The following CTNNA3 variants were observed in gnomAD, a reference collection of about 807,000 sequenced individuals.
The protein encoded by CTNNA3 is catenin alpha-3.
A neutral mutation model predicts 95.7 loss-of-function variants in CTNNA3; 76 were observed. The ratio of observed to expected loss-of-function variants is 0.79; its 90% CI spans 0.66 to 0.96. The LOEUF (loss-of-function observed/expected upper bound fraction) is 0.96. CTNNA3 is among the 40% of genes least tolerant of loss of function. CTNNA3 has a pLI of 0.00. For missense variants in CTNNA3, 1,191 were observed against 1,089.8 expected (o/e 1.09, Z -1.31); for synonymous variants, 431 against 374.4 (o/e 1.15, Z -1.74).
At chr10:66,926,864 A>C (rs1847108999) in intron 7 of CTNNA3, 1 of 1,461,224 alleles carries the variant, frequency 6.8e-7, no homozygotes, top group Non-Finnish European at 9.1e-7. Context: ...TTTTTGCTTG[A>C]TTAAGGATTA....
At chr10:67,187,266 A>T (rs994025060) in intron 6 of CTNNA3, among the ~76,000 whole-genome samples, 1 of 152,160 alleles carries the variant, frequency 6.6e-6, no homozygotes. Context: ...GGGTATTATC[A>T]TCATTAATTT....
chr10:66,443,147 AAAGCAGCGGGG>A (rs1434463689), intron 11 of CTNNA3, among the ~76,000 whole-genome samples: 1 of 152,136 alleles, frequency 6.6e-6, no homozygotes, highest in Admixed American at 6.5e-5. Context: ...TTAGGTAAAC[AAAGCAGCGGGG>A]AAGCTCGAAC....
intron 5 of CTNNA3, among the ~76,000 whole-genome samples, chr10:67,374,213 T>C (rs1375719184): frequency 6.6e-6 from 1 of 152,180 alleles, no homozygotes; most frequent in African/African-American, 2.4e-5. Flanking sequence ...ACTCTGCTTT[T>C]ATGGTACAAA....
At chr10:67,390,262 G>A (rs1213471796) in intron 5 of CTNNA3, among the ~76,000 whole-genome samples, 1 of 152,130 alleles carries the variant, frequency 6.6e-6, no homozygotes, top group Non-Finnish European at 1.5e-5. Flanking sequence ...TACCATCAGA[G>A]AATACTACAA....
intron 5 of CTNNA3, among the ~76,000 whole-genome samples, chr10:67,513,762 G>T (rs1275923461): frequency 1.3e-5 from 2 of 152,154 alleles, no homozygotes; most frequent in Non-Finnish European, 2.9e-5. Flanking sequence ...CATTAGAAGA[G>T]ATTTCTGCAG....
chr10:66,842,654 T>C (rs1313972438), intron 7 of CTNNA3, among the ~76,000 whole-genome samples: 1 of 152,172 alleles, frequency 6.6e-6, no homozygotes. Context: ...GGGTGGTTTG[T>C]AGGCCTAACT....
chr10:67,381,330 T>C (rs2132731410), intron 5 of CTNNA3, among the ~76,000 whole-genome samples: 1 of 152,310 alleles, frequency 6.6e-6, no homozygotes, highest in South Asian at 2.1e-4. Context: ...ACATTCTCTA[T>C]AAATTCAATC....
At position 67,731,800 on chromosome 10, in the gene CTNNA3, C is replaced by CAA. The variant is rs199645393; in HGVS notation, c.-2+31632_-2+31633dup. Among the ~76,000 whole-genome samples, 493 of 103,532 alleles carry CAA rather than the reference C, an allele frequency of 4.8e-3. 4 individuals are homozygous for CAA. The highest frequency in any genetic ancestry group is 0.014 in the African/African-American group (386 of 27,596). The allele number at this position is 103,532 out of a possible 152,430, so 67.9% of individuals were successfully genotyped here. On this transcript the variant is annotated intron_variant, in intron 1 of 17. Coordinates refer to the CTNNA3 transcript ENST00000684154. ...CTGGGCAACGTGCAAGACTCCGTCT[C>CAA]AAAAAAAAAAAAAAAAGATATTTTG...
chr10:66,976,465 T>C (rs1264701929), intron 7 of CTNNA3, among the ~76,000 whole-genome samples: 1 of 152,188 alleles, frequency 6.6e-6, no homozygotes, highest in Non-Finnish European at 1.5e-5. Flanking sequence ...TCATCTCTTT[T>C]TCTATAGATT....
chr10:67,374,881 A>G (rs1458096912), intron 5 of CTNNA3, among the ~76,000 whole-genome samples: 2 of 152,220 alleles, frequency 1.3e-5, no homozygotes, highest in Non-Finnish European at 2.9e-5. Context: ...AACACCAAAT[A>G]TACAACTTAT....
chr10:66,455,619 C>G (rs978420177), intron 11 of CTNNA3, among the ~76,000 whole-genome samples: 1 of 152,164 alleles, frequency 6.6e-6, no homozygotes, highest in Non-Finnish European at 1.5e-5. Flanking sequence ...CTGAGTAACC[C>G]ACTCCTTAAC....
chr10:65,968,905 G>A (rs1266445760), intron 16 of CTNNA3, among the ~76,000 whole-genome samples: 2 of 152,134 alleles, frequency 1.3e-5, no homozygotes, highest in Non-Finnish European at 2.9e-5. Flanking sequence ...CTGCCCTTAG[G>A]GAATTATAGG....
intron 17 of CTNNA3, among the ~76,000 whole-genome samples, chr10:65,937,768 G>C (rs1338382194): frequency 6.6e-6 from 1 of 152,076 alleles, no homozygotes; most frequent in South Asian, 2.1e-4. Flanking sequence ...CTTGATTGTT[G>C]GCTCACATTT....
chr10:67,290,268 G>A (rs1839782914), intron 5 of CTNNA3, among the ~76,000 whole-genome samples: 1 of 152,150 alleles, frequency 6.6e-6, no homozygotes, highest in African/African-American at 2.4e-5. Context: ...TGCACAACTT[G>A]TGTGGCATGT....
intron 9 of CTNNA3, among the ~76,000 whole-genome samples, chr10:66,756,950 T>G (rs1220347842): frequency 6.6e-6 from 1 of 152,172 alleles, no homozygotes; most frequent in Non-Finnish European, 1.5e-5. Context: ...GTGATGGGAT[T>G]GTGTTTTTGC....
intron 11 of CTNNA3, among the ~76,000 whole-genome samples, chr10:66,438,088 A>T (rs994711093): frequency 6.6e-6 from 1 of 152,010 alleles, no homozygotes; most frequent in Non-Finnish European, 1.5e-5. Flanking sequence ...CCAGAGGGGC[A>T]CCTGCCAGAT....
rs527253506 is a variant in CTNNA3 at position 66,588,410 on chromosome 10, T to C, written c.1374+33282A>G. Among the ~76,000 whole-genome samples, 18 of 152,326 alleles carry C rather than the reference T, an allele frequency of 1.2e-4. 1 individual carries two copies. The highest frequency in any genetic ancestry group is 3.6e-4 in the African/African-American group (15 of 41,572). ...TTGTGAATCTCTGCACACTATTTTG[T>C]CTTTCCAAGTGGGAGAGGCAGGCTA... On this transcript the variant is annotated intron_variant, in intron 10 of 17. Transcript: ENST00000433211.
chr10:67,101,899 T>C (rs1417903381), intron 7 of CTNNA3, among the ~76,000 whole-genome samples: 4 of 151,782 alleles, frequency 2.6e-5, no homozygotes, highest in African/African-American at 7.3e-5. Flanking sequence ...CTGATGTGAA[T>C]TGTTGTTATT....
At chr10:66,815,097 T>C (rs968441836) in intron 7 of CTNNA3, among the ~76,000 whole-genome samples, 3 of 152,078 alleles carry the variant, frequency 2.0e-5, no homozygotes, top group East Asian at 1.9e-4. Context: ...TAATATTTTA[T>C]ATACAAAAAT....
Sources: allele counts gnomAD v4.1 joint callset (sites outside exome capture counted in the v4.1 genomes callset), GRCh38; gene constraint gnomAD v4.1.1; transcripts MANE v1.5; gene names NCBI Gene and HGNC (gene_info 2026-07-23, HGNC 2026-07-21).